PEX5L: variants seen among roughly 807,000 people sequenced by gnomAD.
PEX5L encodes peroxisomal biogenesis factor 5 like.
Under a neutral mutation model 84.0 loss-of-function variants are expected in PEX5L, and 30 were observed. The observed-to-expected ratio is 0.36, with a 90% CI of 0.27 to 0.48. PEX5L has a LOEUF of 0.48. PEX5L is among the 20% of genes least tolerant of loss of function. The pLI is 0.99. For missense variants in PEX5L, 533 were observed against 754.6 expected, an observed-to-expected ratio of 0.71 and a Z score of 3.44; for synonymous variants, 270 against 283.1, an observed-to-expected ratio of 0.95 and a Z score of 0.46.
intron 9 of PEX5L, among the ~76,000 whole-genome samples, chr3:179,818,778 C>T (rs1199281724): frequency 2.0e-5 from 3 of 152,020 alleles, no homozygotes; most frequent in Admixed American, 2.0e-4. Context: ...TTATAAATGA[C>T]AGGATGCCAT....
At chr3:180,013,513 T>A (rs1789666239) in intron 1 of PEX5L, among the ~76,000 whole-genome samples, 1 of 152,180 alleles carries the variant, frequency 6.6e-6, no homozygotes, top group Non-Finnish European at 1.5e-5. Context: ...CACTTGTGAC[T>A]AAGGGCTCCA....
rs187178532 is a variant in PEX5L, at chr3:179,973,973, G to T, written c.22-2308C>A. The stretch of plus-strand genomic sequence containing the variant: ...TCTAGTTCACCCCATAACCCCGGGG[G>T]GATTAATCCTTTTCTAAGCCATAAT... On this transcript the variant is annotated intron_variant, in intron 1 of 14. Transcript: ENST00000467460. 4.6e-3 allele frequency: 4,508 copies of T among 985,308 alleles called. 13 individuals carry two copies. Among genetic ancestry groups the T allele is most frequent in the Middle Eastern group, 9.9e-3 (19 of 1,916 alleles). The allele number at this position is 985,308 out of a possible 1,614,324, so 61.0% of individuals were successfully genotyped here. A position where few individuals can be genotyped will look rare whatever the true frequency, so the allele number is the denominator to read the frequency against.
At chr3:179,814,980 A>C (rs1309917191) in intron 10 of PEX5L, among the ~76,000 whole-genome samples, 1 of 151,740 alleles carries the variant, frequency 6.6e-6, no homozygotes, top group Admixed American at 6.6e-5. Context: ...TCCTGCCCCC[A>C]CCCTGGCTTC....
chr3:179,960,625 C>T (rs1176208267), intron 2 of PEX5L, among the ~76,000 whole-genome samples: 1 of 152,150 alleles, frequency 6.6e-6, no homozygotes, highest in Non-Finnish European at 1.5e-5. Context: ...TAAAATGGCT[C>T]ATTCATCTAG....
intron 7 of PEX5L, among the ~76,000 whole-genome samples, chr3:179,860,855 G>A (rs1445602181): frequency 6.6e-6 from 1 of 152,160 alleles, no homozygotes; most frequent in Non-Finnish European, 1.5e-5. Flanking sequence ...TAAGTGGCAG[G>A]GCTGGTACTT....
At chr3:180,015,282 T>A (rs769152057) in intron 1 of PEX5L, among the ~76,000 whole-genome samples, 7 of 152,182 alleles carry the variant, frequency 4.6e-5, no homozygotes, top group African/African-American at 1.7e-4. Flanking sequence ...TAATATTGTA[T>A]ACAAGGGAGT....
intron 2 of PEX5L, among the ~76,000 whole-genome samples, chr3:179,916,405 G>A (rs1199343451): frequency 6.6e-6 from 1 of 152,086 alleles, no homozygotes; most frequent in Non-Finnish European, 1.5e-5. Flanking sequence ...TGTAGAAAAT[G>A]TAGAGTAAAA....
intron 2 of PEX5L, among the ~76,000 whole-genome samples, chr3:179,940,751 T>C (rs1259476948): frequency 1.3e-5 from 2 of 152,230 alleles, no homozygotes; most frequent in African/African-American, 2.4e-5. Context: ...AGGCCTAATT[T>C]AGAGAAATGT....
At chr3:180,025,692 G>A (rs1790884866) in intron 1 of PEX5L, among the ~76,000 whole-genome samples, 1 of 152,068 alleles carries the variant, frequency 6.6e-6, no homozygotes, top group Admixed American at 6.6e-5. Context: ...AAAAAAACTA[G>A]AACTGTGAGA....
intron 6 of PEX5L, 119 bp downstream of exon 6, chr3:179,875,235 G>A: frequency 1.1e-6 from 1 of 872,598 alleles, no homozygotes. Flanking sequence ...AATTGGTATT[G>A]TTATATAGGG....
chr3:179,824,706 CAAAAAA>C (rs11296415), intron 8 of PEX5L, among the ~76,000 whole-genome samples: 1 of 70,512 alleles, frequency 1.4e-5, no homozygotes, highest in Non-Finnish European at 2.6e-5. Flanking sequence ...AACTCCATCT[CAAAAAA>C]AAAAAAAAAA....
chr3:179,993,797 C>A (rs1787608466), intron 1 of PEX5L, among the ~76,000 whole-genome samples: 1 of 152,180 alleles, frequency 6.6e-6, no homozygotes, highest in Non-Finnish European at 1.5e-5. Context: ...GCCACCGCAT[C>A]CGGCTTTCCC....
intron 2 of PEX5L, among the ~76,000 whole-genome samples, chr3:179,942,017 C>CAAA (rs11447396): frequency 0.19 from 17,136 of 88,682 alleles, 2,092 homozygotes; most frequent in East Asian, 0.57. Flanking sequence ...TGAGACTCCT[C>CAAA]AAAAAAAAAA....
At chr3:179,876,914 T>G (rs1234860244) in intron 5 of PEX5L, among the ~76,000 whole-genome samples, 2 of 152,194 alleles carry the variant, frequency 1.3e-5, no homozygotes, top group African/African-American at 4.8e-5. Flanking sequence ...AATATTTGCA[T>G]GTGTCATAAT....
At chr3:180,013,167 C>T (rs1324870703) in intron 1 of PEX5L, among the ~76,000 whole-genome samples, 3 of 152,088 alleles carry the variant, frequency 2.0e-5, no homozygotes, top group Admixed American at 6.5e-5. Flanking sequence ...TATACAAGTA[C>T]AAAACTATAA....
At chr3:179,919,933 C>T (rs888977278) in intron 2 of PEX5L, among the ~76,000 whole-genome samples, 1 of 152,122 alleles carries the variant, frequency 6.6e-6, no homozygotes, top group South Asian at 2.1e-4. Flanking sequence ...GAACTCCTGA[C>T]CTCAAGTGAT....
At chr3:179,829,577 T>C (rs1400132778) in intron 8 of PEX5L, among the ~76,000 whole-genome samples, 1 of 152,172 alleles carries the variant, frequency 6.6e-6, no homozygotes, top group Non-Finnish European at 1.5e-5. Flanking sequence ...GTAAAGTACT[T>C]GGCTTAGAAC....
chr3:179,815,869 C>G lies in PEX5L; in HGVS notation c.1075G>C (p.Asp359His). The change falls in exon 10 of 15, where the codon GAT (aspartate) becomes CAT (histidine). Residue 359 changes from aspartate to histidine, a missense_variant. Asp to His is a moderately conservative substitution (Grantham distance 81). This residue lies in a region of PEX5L where 32 missense variants were observed against 45.5 expected (regional missense o/e 0.70). Transcript: ENST00000467460. ...TGAAGGGAGAATGACACCTCTGCATCTCCAGGGTCCTGAAGAATTGCTGCT... is the reference window on the plus strand; with the variant it reads ...TGAAGGGAGAATGACACCTCTGCATGTCCAGGGTCCTGAAGAATTGCTGCT... ...MEAAILQDPG[D>H]AEAWQFLGIT... 6.2e-7 allele frequency: 1 copy of G among 1,614,158 alleles called. No individual in the cohort carries two copies. Among genetic ancestry groups the G allele is most frequent in the South Asian group, 1.1e-5 (1 of 91,080 alleles).
intron 8 of PEX5L, among the ~76,000 whole-genome samples, chr3:179,825,604 GA>G (rs11420270): frequency 6.6e-6 from 1 of 150,788 alleles, no homozygotes. Context: ...GGGTATGCTG[GA>G]AAAAAAAAGG....
Sources: gnomAD v4.1 joint callset for allele counts (sites outside exome capture counted in the v4.1 genomes callset) on GRCh38, gnomAD v4.1.1 for gene constraint, gnomAD v4.1.1 regional missense constraint, MANE v1.5 for transcripts, NCBI Gene and HGNC (gene_info 2026-07-23, HGNC 2026-07-21) for gene names.